The following B4GALNT4 variants were observed in gnomAD, a reference collection of about 807,000 sequenced individuals.
B4GALNT4 encodes the protein N-acetyl-beta-glucosaminyl-glycoprotein 4-beta-N-acetylgalactosaminyltransferase 1.
B4GALNT4 carries 77 observed loss-of-function variants against 110.0 expected under a neutral mutation model. That is an observed-to-expected ratio of 0.70 (90% confidence interval 0.58 to 0.85). The LOEUF (loss-of-function observed/expected upper bound fraction) is 0.85. Ranked by LOEUF, B4GALNT4 falls within the 40% of genes least tolerant of loss-of-function variation. The pLI is 0.00. For synonymous variants in B4GALNT4, 785 were observed against 655.5 expected (o/e 1.20, Z -3.02); for missense variants, 1,575 against 1,506.0 (o/e 1.05, Z -0.76).
rs779853175 is a variant in B4GALNT4 at position 376,658 on chromosome 11, C to A, written c.1535C>A (p.Pro512Gln). 51 of 1,423,740 alleles carry A rather than the reference C, an allele frequency of 3.6e-5. No homozygotes were observed. In the South Asian group the frequency reaches 6.5e-4, roughly 18 times the overall value. The allele number at this position is 1,423,740 out of a possible 1,614,324, so 88.2% of individuals were successfully genotyped here. ...RPLPLFLGRA[P>Q]PPRPAVEQPP... ...TTGCCGCTCTTCTTGGGCCGAGCTC[C>A]GCCCCCGCGCCCTGCAGTGGAGCAG... The change falls in exon 14 of 20, where the codon CCG (proline) becomes CAG (glutamine). Residue 512 changes from proline to glutamine, a missense_variant. Coordinates refer to ENST00000329962, the MANE Select transcript of B4GALNT4 (RefSeq NM_178537.5).
At position 372,186 on chromosome 11, in the gene B4GALNT4, A is replaced by G. The variant is rs1476771377; in HGVS notation, c.229A>G (p.Ser77Gly). Residue 77 changes from serine to glycine, a missense_variant, in exon 2 of 20, where the codon AGT (serine) becomes GGT (glycine). Ser to Gly is a moderately conservative substitution (Grantham distance 56). Coordinates refer to ENST00000329962, the MANE Select transcript of B4GALNT4 (RefSeq NM_178537.5). Reference sequence around the variant, plus strand: ...ATCCACACAGAGGGCTGAGGACTCCAGTGAGAGCCGTGAAGAGGAGCAAGC... The same window carrying G: ...ATCCACACAGAGGGCTGAGGACTCCGGTGAGAGCCGTGAAGAGGAGCAAGC... ...APSTQRAEDS[S>G]ESREEEQAPE... is the part of the protein sequence containing the mutation. 2 of 1,550,082 alleles carry G rather than the reference A, an allele frequency of 1.3e-6. No homozygotes were observed. The highest frequency in any genetic ancestry group is 1.7e-6 in the Non-Finnish European group (2 of 1,146,872).
chr11:375,945 G>A lies in B4GALNT4; in HGVS notation c.1084G>A (p.Gly362Ser). 8 of 1,611,746 alleles carry A rather than the reference G, an allele frequency of 5.0e-6. No individual in the cohort carries two copies. Among genetic ancestry groups the A allele is most frequent in the Middle Eastern group, 1.7e-4 (1 of 6,058 alleles). The part of the protein sequence containing the change: ...VKDFPIARYQ[G>S]LQFVYLSFVY... ...GGACTTCCCGATCGCCAGATACCAG[G>A]GCCTGCAATTTGTGAGTGCGGCTGG... The change falls in exon 11 of 20, where the codon GGC becomes AGC. Residue 362 changes from glycine (G) to serine (S), a missense_variant. Gly to Ser is a moderately conservative substitution (Grantham distance 56, BLOSUM62 0). Coordinates refer to ENST00000329962, the MANE Select transcript of B4GALNT4 (RefSeq NM_178537.5).
intron 15 of B4GALNT4, 80 bp from the exon 16 acceptor site, chr11:379,786 G>C: frequency 6.6e-7 from 1 of 1,516,382 alleles, no homozygotes; most frequent in South Asian, 1.3e-5. Flanking sequence ...TGGGTGTCCG[G>C]GATGAAGTTC....
rs780611005 is a variant in B4GALNT4, at chr11:377,270, C to T, written c.2147C>T (p.Ala716Val). Residue 716 changes from alanine to valine, a missense_variant, in exon 14 of 20, where the codon GCG (alanine) becomes GTG (valine). Physicochemically the swap from Ala to Val is moderately conservative, Grantham distance 64. Transcript: ENST00000329962. ...NVSGNLQLPE[A>V]EAVDVTAQYM... The stretch of plus-strand genomic sequence containing the variant: ...TCGGGGAACCTGCAGCTGCCGGAGG[C>T]GGAGGCCGTGGACGTGACCGCTCAG... 31 of 1,593,686 alleles carry T rather than the reference C, an allele frequency of 1.9e-5. No individual in the cohort carries two copies. In the African/African-American group the frequency reaches 3.4e-4, roughly 17 times the overall value.
chr11:376,575 C>CG lies in B4GALNT4; in HGVS notation c.1458dup (p.Thr487AspfsTer191), dbSNP rs1381079472. 15 of 1,352,236 alleles carry CG rather than the reference C, an allele frequency of 1.1e-5. No individual in the cohort carries two copies. The highest frequency in any genetic ancestry group is 1.3e-5 in the Non-Finnish European group (14 of 1,061,028). 83.8% of individuals were successfully genotyped at this position (1,352,236 alleles called of 1,614,324 possible). A position where few individuals can be genotyped will look rare whatever the true frequency, so the allele number is the denominator to read the frequency against. On this transcript the variant is annotated frameshift_variant, in exon 14 of 20. Coordinates refer to ENST00000329962, the MANE Select transcript of B4GALNT4 (RefSeq NM_178537.5). LOFTEE classifies it high-confidence loss of function. ...CGCCGACCCCTCCCCGCCCCCGGGA[C>CG]GGGGGGACCCCCAGGCACTCCCGGG...
Position 375,652 on chromosome 11 carries a change from G to T in B4GALNT4, c.864G>T (p.Leu288Phe), listed in dbSNP as rs764191290. ...HISLYTDESA[L>F]KMDHVAHVPQ... ...TTCTGCCCCCAGATGAGTCAGCCTT[G>T]AAGATGGACCACGTGGCGCACGTCC... Residue 288 changes from leucine to phenylalanine, a missense_variant, in exon 10 of 20, where the codon TTG becomes TTT. Coordinates refer to ENST00000329962, the MANE Select transcript of B4GALNT4 (RefSeq NM_178537.5). 1.3e-6 allele frequency: 2 copies of T among 1,592,248 alleles called. No homozygotes were observed. The highest frequency in any genetic ancestry group is 8.5e-7 in the Non-Finnish European group (1 of 1,173,948).
In B4GALNT4 at chr11:376,984, G is replaced by A. The variant is rs1846770131; in HGVS notation, c.1861G>A (p.Glu621Lys). The change falls in exon 14 of 20, where the codon GAA (glutamate) becomes AAA (lysine). Residue 621 changes from glutamate to lysine, a missense_variant. Physicochemically the swap from Glu to Lys is moderately conservative, Grantham distance 56. Transcript: ENST00000329962. ...APTVDSNLSSEARPVTSFLSL... is the reference protein window; with the variant it reads ...APTVDSNLSSKARPVTSFLSL... ...CACAGTGGACTCAAACTTGTCCTCCGAAGCGCGGCCCGTGACCTCCTTCCT... is the reference window on the plus strand; with the variant it reads ...CACAGTGGACTCAAACTTGTCCTCCAAAGCGCGGCCCGTGACCTCCTTCCT... 2 of 1,456,266 alleles carry A rather than the reference G, an allele frequency of 1.4e-6. No individual in the cohort carries two copies. Among genetic ancestry groups the A allele is most frequent in the Non-Finnish European group, 1.8e-6 (2 of 1,109,902 alleles). 90.2% of individuals were successfully genotyped at this position (1,456,266 alleles called of 1,614,324 possible). A position where few individuals can be genotyped will look rare whatever the true frequency, so the allele number is the denominator to read the frequency against.
Position 380,284 on chromosome 11 carries a change from C to T in B4GALNT4, c.2716-8C>T, listed in dbSNP as rs751249434. On this transcript the variant is annotated splice_region_variant and splice_polypyrimidine_tract_variant and intron_variant, in intron 17 of 19. Transcript: ENST00000329962. ...GAGGGCGGGGCTCAGACCTCCCGCACCCCCCAGGACGCCAGCAGCATCGTG... is the reference window on the plus strand; with the variant it reads ...GAGGGCGGGGCTCAGACCTCCCGCATCCCCCAGGACGCCAGCAGCATCGTG... 4 of 1,611,818 alleles carry T rather than the reference C, an allele frequency of 2.5e-6. No homozygotes were observed. Among genetic ancestry groups the T allele is most frequent in the Non-Finnish European group, 3.4e-6 (4 of 1,178,956 alleles).
At chr11:380,068 C>A in intron 16 of B4GALNT4, 49 bp downstream of exon 16, 1 of 1,598,244 alleles carries the variant, frequency 6.3e-7, no homozygotes, top group Non-Finnish European at 8.5e-7. Context: ...GCTTTCCTCC[C>A]CGGGAGATGG....
In B4GALNT4 at chr11:373,309, C is replaced by T; in HGVS notation, c.636+18C>T. ...TGGGCAAGGTACCCCCACCCCAGCCCTGGTGTCGTCCCGGGCCTCCTGCAG... is the reference window on the plus strand; with the variant it reads ...TGGGCAAGGTACCCCCACCCCAGCCTTGGTGTCGTCCCGGGCCTCCTGCAG... On this transcript the variant is annotated intron_variant, in intron 6 of 19. Coordinates refer to ENST00000329962, the MANE Select transcript of B4GALNT4 (RefSeq NM_178537.5). 1.2e-6 allele frequency: 2 copies of T among 1,603,540 alleles called. No homozygotes were observed. The highest frequency in any genetic ancestry group is 2.2e-5 in the East Asian group (1 of 44,586).
rs758119506 is a variant in B4GALNT4, at chr11:373,756, G to A, written c.711G>A (p.Met237Ile). 6.2e-7 allele frequency: 1 copy of A among 1,612,282 alleles called. No individual in the cohort carries two copies. The highest frequency in any genetic ancestry group is 1.1e-5 in the South Asian group (1 of 91,088). The change falls in exon 8 of 20, where the codon ATG (methionine) becomes ATA (isoleucine). Residue 237 changes from methionine to isoleucine, a missense_variant. By Grantham distance (10) the Met-to-Ile change is conservative. Transcript: ENST00000329962. Reference protein sequence around the residue: ...SSQVSKPRRLMASRRYYFELL... With the variant: ...SSQVSKPRRLIASRRYYFELL... ...TTGCTCCTCGTGTCCCCAGGCTCAT[G>A]GCCTCCCGGAGGTACTACTTTGAGT...
At position 375,685 on chromosome 11, in the gene B4GALNT4, TCCAG is replaced by T; in HGVS notation, c.905_908del (p.Ser302ThrfsTer104). 1 of 1,593,772 alleles carries T rather than the reference TCCAG, an allele frequency of 6.3e-7. No individual in the cohort carries two copies. The highest frequency in any genetic ancestry group is 8.5e-7 in the Non-Finnish European group (1 of 1,174,884). ...ACCACGTGGCGCACGTCCCCCAGTC[TCCAG>T]CCAGCCACGTGGGGGGGCGTCCGCC... is the stretch of plus-strand genomic sequence containing the variant. On this transcript the variant is annotated frameshift_variant, in exon 10 of 20. Coordinates refer to ENST00000329962, the MANE Select transcript of B4GALNT4 (RefSeq NM_178537.5). LOFTEE classifies it high-confidence loss of function.
chr11:376,581 G>C lies in B4GALNT4; in HGVS notation c.1458G>C (p.Gly486=), dbSNP rs1270768112. 1 of 1,354,388 alleles carries C rather than the reference G, an allele frequency of 7.4e-7. No individual in the cohort carries two copies. Among genetic ancestry groups the C allele is most frequent in the Non-Finnish European group, 9.4e-7 (1 of 1,062,002 alleles). The allele number at this position is 1,354,388 out of a possible 1,614,324, so 83.9% of individuals were successfully genotyped here. ...CCCCTCCCCGCCCCCGGGACGGGGG[G>C]ACCCCCAGGCACTCCCGGGCCCTGA... ...PPTPPRPRDG[G]TPRHSRALSW... The change falls in exon 14 of 20, where the codon GGG becomes GGC. Residue 486 remains glycine, a synonymous_variant. Coordinates refer to ENST00000329962, the MANE Select transcript of B4GALNT4 (RefSeq NM_178537.5).
rs963102802 is a variant in B4GALNT4, at chr11:379,619, G to A, written c.2406G>A (p.Val802=). 8.5e-6 allele frequency: 13 copies of A among 1,533,394 alleles called. No individual in the cohort carries two copies. The highest frequency in any genetic ancestry group is 1.1e-5 in the Non-Finnish European group (13 of 1,143,984). 95.0% of individuals were successfully genotyped at this position (1,533,394 alleles called of 1,614,324 possible). A position where few individuals can be genotyped will look rare whatever the true frequency, so the allele number is the denominator to read the frequency against. ...ESPEPAPAAS[V]RPDGRPELCR... Reference sequence around the variant, plus strand: ...CCGAACCCGCTCCCGCCGCCTCCGTGCGCCCCGACGGCCGCCCCGAGCTCT... The same window carrying A: ...CCGAACCCGCTCCCGCCGCCTCCGTACGCCCCGACGGCCGCCCCGAGCTCT... Residue 802 remains valine, a synonymous_variant, in exon 15 of 20, where the codon GTG becomes GTA. Coordinates refer to ENST00000329962, the MANE Select transcript of B4GALNT4 (RefSeq NM_178537.5).
At position 376,575 on chromosome 11, in the gene B4GALNT4, CG is replaced by C. The variant is rs1381079472; in HGVS notation, c.1458del (p.Thr487ProfsTer8). On this transcript the variant is annotated frameshift_variant, in exon 14 of 20. Coordinates refer to ENST00000329962, the MANE Select transcript of B4GALNT4 (RefSeq NM_178537.5). LOFTEE classifies it high-confidence loss of function. ...APPTPPRPRD[G>X]GTPRHSRALS... is the part of the protein sequence containing the mutation. The stretch of plus-strand genomic sequence containing the variant: ...CGCCGACCCCTCCCCGCCCCCGGGA[CG>C]GGGGGACCCCCAGGCACTCCCGGGC... 2.1e-5 allele frequency: 28 copies of C among 1,352,212 alleles called. No individual in the cohort carries two copies. The highest frequency in any genetic ancestry group is 8.5e-5 in the South Asian group (5 of 58,576). 83.8% of individuals were successfully genotyped at this position (1,352,212 alleles called of 1,614,324 possible).
intron 15 of B4GALNT4, 55 bp downstream of exon 15, chr11:379,756 C>T (rs2133579969): frequency 1.3e-6 from 2 of 1,505,394 alleles, no homozygotes; most frequent in East Asian, 2.3e-5. Context: ...AACATGGACC[C>T]TAATGACTAG....
chr11:370,618 A>T (rs897841659), intron 1 of B4GALNT4, among the ~76,000 whole-genome samples: 2 of 152,104 alleles, frequency 1.3e-5, no homozygotes, highest in African/African-American at 4.8e-5. Context: ...GATCTTTGAC[A>T]TACACCTTTG....
chr11:375,336 C>A, intron 8 of B4GALNT4, 125 bp from the exon 9 acceptor site: 1 of 1,006,610 alleles, frequency 9.9e-7, no homozygotes, highest in Non-Finnish European at 1.5e-6. Context: ...CCTCTGCCAT[C>A]TCCTCTCCTG....
At chr11:370,060 C>CGTGGG (rs1846589422) in intron 1 of B4GALNT4, 106 bp downstream of exon 1, 1 of 139,744 alleles carries the variant, frequency 7.2e-6, no homozygotes, top group Non-Finnish European at 1.5e-5. Context: ...GCGGGGGCCC[C>CGTGGG]GGGGCGCGGG....
Sources: allele counts gnomAD v4.1 joint callset (sites outside exome capture counted in the v4.1 genomes callset), GRCh38; gene constraint gnomAD v4.1.1; transcripts MANE v1.5; gene names NCBI Gene and HGNC (gene_info 2026-07-23, HGNC 2026-07-21).